SDK1: variants seen among roughly 807,000 people sequenced by gnomAD.
SDK1 encodes sidekick cell adhesion molecule 1, also known as protein sidekick-1.
A neutral mutation model predicts 245.5 loss-of-function variants in SDK1; 157 were observed. The ratio of observed to expected loss-of-function variants is 0.64; its 90% CI spans 0.56 to 0.73. The LOEUF (loss-of-function observed/expected upper bound fraction) is 0.73, where lower values mean the gene tolerates loss of function less well. Among genes scored for constraint, SDK1 ranks in the 30% least tolerant of loss-of-function variants. The pLI, the probability that SDK1 is intolerant of heterozygous loss-of-function variation, is 0.00. For missense variants in SDK1, 3,583 were observed against 3,002.3 expected, an observed-to-expected ratio of 1.19 and a Z score of -4.52; for synonymous variants, 1,647 against 1,278.5, an observed-to-expected ratio of 1.29 and a Z score of -6.15.
At chr7:4,104,517 T>C (rs963882366) in intron 22 of SDK1, among the ~76,000 whole-genome samples, 3 of 152,206 alleles carry the variant, frequency 2.0e-5, no homozygotes, top group African/African-American at 7.2e-5. Context: ...GTTATATTGC[T>C]CTCATAGCTG....
At chr7:3,713,925 A>G (rs973524911) in intron 4 of SDK1, among the ~76,000 whole-genome samples, 3 of 152,224 alleles carry the variant, frequency 2.0e-5, no homozygotes, top group African/African-American at 7.2e-5. Context: ...CAAAATGAAC[A>G]TTATATTAAT....
intron 1 of SDK1, among the ~76,000 whole-genome samples, chr7:3,331,603 C>G (rs572451497): frequency 4.6e-5 from 7 of 152,274 alleles, no homozygotes; most frequent in African/African-American, 1.4e-4. Context: ...CATTGAAGTG[C>G]AAAAGCGTTT....
Position 3,445,722 on chromosome 7 carries a change from A to G in SDK1, c.298+143838A>G, listed in dbSNP as rs556136752. ...CCCACACTGTTTATAACTGTCTTAC[A>G]TATTTCTTCTACACACATTAAGAAT... On this transcript the variant is annotated intron_variant, in intron 1 of 44. Coordinates refer to ENST00000404826, the MANE Select transcript of SDK1 (RefSeq NM_152744.4). 7.9e-5 allele frequency among the ~76,000 whole-genome samples: 12 copies of G among 152,258 alleles called. 1 individual carries two copies. In the South Asian group the frequency reaches 1.9e-3, roughly 24 times the overall value.
intron 8 of SDK1, among the ~76,000 whole-genome samples, chr7:3,961,139 C>T (rs1781649043): frequency 6.6e-6 from 1 of 152,234 alleles, no homozygotes; most frequent in South Asian, 2.1e-4. Context: ...CGACATTGCA[C>T]TGCTGTCATA....
At position 4,191,622 on chromosome 7, in the gene SDK1, C is replaced by T. The variant is rs527471197; in HGVS notation, c.5098+13036C>T. The stretch of plus-strand genomic sequence containing the variant: ...CGGGCCTGCCCTTCAGCTGCTCCCC[C>T]GAAGCGTGAGCCAGCCCTTCAGCTG... On this transcript the variant is annotated intron_variant, in intron 35 of 44. Coordinates refer to ENST00000404826, the MANE Select transcript of SDK1 (RefSeq NM_152744.4). Among the ~76,000 whole-genome samples, 617 of 152,368 alleles carry T rather than the reference C, an allele frequency of 4.0e-3. 1 individual carries two copies. Among genetic ancestry groups the T allele is most frequent in the African/African-American group, 0.015 (606 of 41,592 alleles).
intron 1 of SDK1, among the ~76,000 whole-genome samples, chr7:3,538,671 T>A (rs1460563769): frequency 6.6e-6 from 1 of 152,206 alleles, no homozygotes; most frequent in Non-Finnish European, 1.5e-5. Context: ...GGTTTCCTCG[T>A]GTCTGCCCAC....
At chr7:3,966,129 G>A (rs908718648) in intron 9 of SDK1, among the ~76,000 whole-genome samples, 3 of 152,068 alleles carry the variant, frequency 2.0e-5, no homozygotes, top group African/African-American at 7.2e-5. Context: ...GCACAGAAGT[G>A]TTGAGACCTG....
chr7:3,675,610 G>T (rs1222455581), intron 4 of SDK1, among the ~76,000 whole-genome samples: 1 of 152,000 alleles, frequency 6.6e-6, no homozygotes, highest in South Asian at 2.1e-4. Flanking sequence ...GTCTTGTTCT[G>T]TCACCCAGGC....
chr7:3,540,252 C>T (rs963358514), intron 1 of SDK1, among the ~76,000 whole-genome samples: 4 of 152,162 alleles, frequency 2.6e-5, no homozygotes, highest in Admixed American at 2.6e-4. Flanking sequence ...ACTAAAAATA[C>T]AAAAATTAGC....
At chr7:3,554,203 C>G (rs1161986689) in intron 1 of SDK1, among the ~76,000 whole-genome samples, 3 of 152,174 alleles carry the variant, frequency 2.0e-5, no homozygotes, top group African/African-American at 7.2e-5. Context: ...GGCGCACATC[C>G]TGGGCCATAG....
At chr7:3,503,767 C>T (rs1045042831) in intron 1 of SDK1, among the ~76,000 whole-genome samples, 2 of 151,938 alleles carry the variant, frequency 1.3e-5, no homozygotes, top group Admixed American at 6.6e-5. Context: ...GACTAGTACA[C>T]TGAAAATTTT....
At chr7:3,482,681 C>G (rs1326092484) in intron 1 of SDK1, among the ~76,000 whole-genome samples, 2 of 152,170 alleles carry the variant, frequency 1.3e-5, no homozygotes, top group Non-Finnish European at 2.9e-5. Context: ...AACAATTCAA[C>G]GTGGTCTTCA....
chr7:3,491,553 C>A (rs555534205), intron 1 of SDK1, among the ~76,000 whole-genome samples: 7 of 152,176 alleles, frequency 4.6e-5, no homozygotes, highest in Admixed American at 1.3e-4. Context: ...CCATTGTGAT[C>A]GCAGTCTTCT....
chr7:3,631,349 C>G (rs944235787), intron 2 of SDK1, among the ~76,000 whole-genome samples: 59 of 152,086 alleles, frequency 3.9e-4, no homozygotes, highest in Non-Finnish European at 4.9e-4. Context: ...TCCTCATCAC[C>G]CAACCTAATT....
At chr7:3,810,820 G>A (rs535238270) in intron 4 of SDK1, among the ~76,000 whole-genome samples, 2 of 152,290 alleles carry the variant, frequency 1.3e-5, no homozygotes, top group East Asian at 1.9e-4. Context: ...TTTAACGTTC[G>A]TGGCATCTGG....
intron 5 of SDK1, among the ~76,000 whole-genome samples, chr7:3,943,049 T>A (rs577653609): frequency 4.0e-4 from 61 of 152,300 alleles, no homozygotes; most frequent in African/African-American, 1.5e-3. Context: ...TGCGAAAGTT[T>A]CAAGAGGCGT....
At chr7:3,346,004 A>G (rs968668949) in intron 1 of SDK1, among the ~76,000 whole-genome samples, 21 of 152,148 alleles carry the variant, frequency 1.4e-4, no homozygotes, top group African/African-American at 5.1e-4. Context: ...GAATAACCCC[A>G]TTGTTAGATG....
intron 1 of SDK1, among the ~76,000 whole-genome samples, chr7:3,525,514 C>T (rs1424481185): frequency 6.6e-6 from 1 of 152,104 alleles, no homozygotes; most frequent in Non-Finnish European, 1.5e-5. Context: ...CTCGGCATCT[C>T]CCAGCACCAC....
chr7:3,604,824 A>G (rs1747967531), intron 1 of SDK1, among the ~76,000 whole-genome samples: 1 of 148,184 alleles, frequency 6.7e-6, no homozygotes, highest in Non-Finnish European at 1.5e-5. Flanking sequence ...CTGGTCTTGA[A>G]CTCCCAACTT....
Sources: allele counts gnomAD v4.1 joint callset (sites outside exome capture counted in the v4.1 genomes callset), GRCh38; gene constraint gnomAD v4.1.1; transcripts MANE v1.5; gene names NCBI Gene and HGNC (gene_info 2026-07-23, HGNC 2026-07-21).